The following FGGY variants were observed in gnomAD, a reference collection of about 807,000 sequenced individuals.
The protein encoded by FGGY is FGGY carbohydrate kinase domain-containing protein.
FGGY carries 72 observed loss-of-function variants against 71.3 expected under a neutral mutation model. That is an observed-to-expected ratio of 1.01 (90% CI 0.84 to 1.23). The LOEUF is 1.23. Ranked by LOEUF, FGGY falls within the 50% of genes most tolerant of loss-of-function variation. The pLI, the probability that FGGY is intolerant of heterozygous loss-of-function variation, is 0.00. For missense variants in FGGY, 668 were observed against 682.3 expected, an observed-to-expected ratio of 0.98 and a Z score of 0.23; for synonymous variants, 251 against 250.3, an observed-to-expected ratio of 1.00 and a Z score of -0.02.
At chr1:59,307,331 A>AAAAAAAAAAAAAAAAAAAAAAAAAG in intron 1 of FGGY, among the ~76,000 whole-genome samples, 1 of 151,960 alleles carries the variant, frequency 6.6e-6, no homozygotes. Context: ...AAAAAAAAAA[A>AAAAAAAAAAAAAAAAAAAAAAAAAG]AAAAAAATCG....
Position 59,599,095 on chromosome 1 carries a change from C to CGTTT in FGGY, c.904-8687_904-8684dup, listed in dbSNP as rs5774477. ...CATTGAGTTCAGTCCTACACATGTTCGTTTGTTTGTTTGTTTGTTTGTTTT... is the reference window on the plus strand; with the variant it reads ...CATTGAGTTCAGTCCTACACATGTTCGTTTGTTTGTTTGTTTGTTTGTTTGTTTT... On this transcript the variant is annotated intron_variant, in intron 8 of 15. Transcript: ENST00000303721. Among the ~76,000 whole-genome samples the CGTTT allele has an allele frequency of 3.4e-3, 515 of 151,456 alleles. 2 individuals carry two copies. The highest frequency in any genetic ancestry group is 0.01 in the African/African-American group (425 of 41,342).
At chr1:59,474,216 G>C (rs1572634216) in intron 6 of FGGY, 1 of 152,206 alleles carries the variant, frequency 6.6e-6, no homozygotes, top group East Asian at 1.9e-4. Context: ...ATAACTTTCA[G>C]AGGTTTTGCT....
chr1:59,685,077 C>G (rs753356919), intron 14 of FGGY, among the ~76,000 whole-genome samples: 1 of 152,198 alleles, frequency 6.6e-6, no homozygotes, highest in Non-Finnish European at 1.5e-5. Context: ...GGTTTAAACT[C>G]AAGTGGTCTG....
At chr1:59,738,392 C>G (rs1164198983) in intron 14 of FGGY, among the ~76,000 whole-genome samples, 1 of 152,202 alleles carries the variant, frequency 6.6e-6, no homozygotes, top group East Asian at 1.9e-4. Flanking sequence ...GCAGCCAAAC[C>G]AGGCACCAGA....
At chr1:59,729,262 A>T (rs1351190339) in intron 14 of FGGY, among the ~76,000 whole-genome samples, 1 of 151,776 alleles carries the variant, frequency 6.6e-6, no homozygotes, top group South Asian at 2.1e-4. Flanking sequence ...CTCTCGTTAC[A>T]TTGTCCGTTT....
chr1:59,345,308 C>T (rs1382188134), intron 3 of FGGY, among the ~76,000 whole-genome samples: 1 of 152,128 alleles, frequency 6.6e-6, no homozygotes, highest in South Asian at 2.1e-4. Flanking sequence ...CTAATAATCT[C>T]TCGGGTATAT....
chr1:59,527,361 G>A (rs2095019048), intron 7 of FGGY, among the ~76,000 whole-genome samples: 1 of 152,198 alleles, frequency 6.6e-6, no homozygotes, highest in Non-Finnish European at 1.5e-5. Flanking sequence ...TAGTTGCACA[G>A]GAAACTGTAT....
intron 5 of FGGY, among the ~76,000 whole-genome samples, chr1:59,390,258 A>G (rs1416437678): frequency 1.3e-5 from 2 of 152,214 alleles, no homozygotes; most frequent in Non-Finnish European, 2.9e-5. Context: ...AATAATAGGC[A>G]TTTCAAAATA....
rs191104996 is a variant in FGGY at position 59,362,910 on chromosome 1, A to C, written c.466-15839A>C. On this transcript the variant is annotated intron_variant, in intron 4 of 15. Transcript: ENST00000303721. ...GCATACCTAGCACATAGTTGGCCAC[A>C]AACCAGGACTGACAGACCATTTTTT... 2.8e-3 allele frequency among the ~76,000 whole-genome samples: 433 copies of C among 152,346 alleles called. 4 individuals are homozygous for C. The highest frequency in any genetic ancestry group is 9.5e-3 in the African/African-American group (395 of 41,584).
intron 14 of FGGY, among the ~76,000 whole-genome samples, chr1:59,684,618 T>C (rs763374379): frequency 1.5e-4 from 23 of 152,194 alleles, no homozygotes; most frequent in Non-Finnish European, 1.9e-4. Context: ...TCTCATGATA[T>C]GTTAGCAACT....
chr1:59,472,609 T>G (rs6587861), intron 6 of FGGY, among the ~76,000 whole-genome samples: 1 of 151,906 alleles, frequency 6.6e-6, no homozygotes, highest in Non-Finnish European at 1.5e-5. Flanking sequence ...ATACACCAAT[T>G]GGCACTCTGT....
At chr1:59,337,213 C>A (rs1259172563) in intron 2 of FGGY, among the ~76,000 whole-genome samples, 4 of 151,976 alleles carry the variant, frequency 2.6e-5, no homozygotes, top group Non-Finnish European at 5.9e-5. Flanking sequence ...ACAATGCAGT[C>A]CTGAATAAGT....
chr1:59,301,260 A>G (rs1031020788), intron 1 of FGGY, among the ~76,000 whole-genome samples: 3 of 152,178 alleles, frequency 2.0e-5, no homozygotes, highest in Admixed American at 6.5e-5. Flanking sequence ...TGTATTTTAA[A>G]AATTTATTTT....
chr1:59,402,950 T>C (rs55851526), intron 5 of FGGY, among the ~76,000 whole-genome samples: 6,309 of 151,278 alleles, frequency 0.042, 395 homozygotes, highest in African/African-American at 0.14. Flanking sequence ...GGTATGGGGG[T>C]CCCGGGCTCC....
chr1:59,304,348 T>C (rs957085230), intron 1 of FGGY, among the ~76,000 whole-genome samples: 3 of 152,118 alleles, frequency 2.0e-5, no homozygotes, highest in African/African-American at 7.2e-5. Context: ...CCCATTGTGT[T>C]TTTGTTGCTT....
intron 11 of FGGY, among the ~76,000 whole-genome samples, chr1:59,644,838 G>A (rs1470864844): frequency 2.6e-5 from 4 of 152,058 alleles, no homozygotes; most frequent in African/African-American, 7.2e-5. Flanking sequence ...TTGGCTGTGC[G>A]TGGTGGCACA....
At chr1:59,491,255 G>A (rs1010812641) in intron 6 of FGGY, among the ~76,000 whole-genome samples, 1 of 149,652 alleles carries the variant, frequency 6.7e-6, no homozygotes, top group African/African-American at 2.5e-5. Context: ...CTATTTCTGT[G>A]AAGAATGTCA....
At chr1:59,347,644 T>C (rs1457679664) in intron 4 of FGGY, among the ~76,000 whole-genome samples, 1 of 152,008 alleles carries the variant, frequency 6.6e-6, no homozygotes, top group East Asian at 1.9e-4. Context: ...CCCTCAGAAA[T>C]AATGCCACAT....
chr1:59,373,338 C>A (rs1412320355), intron 4 of FGGY, among the ~76,000 whole-genome samples: 1 of 152,118 alleles, frequency 6.6e-6, no homozygotes. Flanking sequence ...ACCTAGGAAT[C>A]CAGCTTACAA....
Sources: gnomAD v4.1 joint callset for allele counts (sites outside exome capture counted in the v4.1 genomes callset) on GRCh38, gnomAD v4.1.1 for gene constraint, MANE v1.5 for transcripts, NCBI Gene and HGNC (gene_info 2026-07-23, HGNC 2026-07-21) for gene names.